Variants in STK10 observed in about 807,000 individuals in gnomAD.
The protein encoded by STK10 is serine/threonine-protein kinase 10.
STK10 carries 78 observed loss-of-function variants against 113.8 expected under a neutral mutation model. The observed-to-expected ratio is 0.69, with a 90% CI of 0.57 to 0.83. STK10 has a LOEUF of 0.83. Among genes scored for constraint, STK10 ranks in the 40% least tolerant of loss-of-function variants. The pLI is 0.00. For synonymous variants in STK10, 465 were observed against 494.7 expected (o/e 0.94, Z 0.80); for missense variants, 1,109 against 1,280.1 (o/e 0.87, Z 2.04).
At chr5:172,094,071 C>T (rs371830929) in intron 8 of STK10, 111 bp from the exon 9 acceptor site, 31 of 821,926 alleles carry the variant, frequency 3.8e-5, no homozygotes, top group East Asian at 2.8e-4. Flanking sequence ...TGGGCCAGCG[C>T]CAAGAAAGGA....
At position 172,093,366 on chromosome 5, in the gene STK10, C is replaced by T; in HGVS notation, c.1554+46G>A. ...AACCAAAATGGAGCCACAGAACATC[C>T]TGCAATGGTCTTGCTGCAAGCCCGT... On this transcript the variant is annotated intron_variant, in intron 9 of 18. Transcript: ENST00000176763. This position sits in a 1 kb window ranked among gnomAD's most constrained non-coding sequence, Gnocchi z 4.1. 3.9e-6 allele frequency: 6 copies of T among 1,530,972 alleles called. No individual in the cohort carries two copies. The highest frequency in any genetic ancestry group is 5.3e-6 in the Non-Finnish European group (6 of 1,136,072). 94.8% of individuals were successfully genotyped at this position (1,530,972 alleles called of 1,614,324 possible).
At chr5:172,135,477 A>G (rs1328396511) in intron 2 of STK10, among the ~76,000 whole-genome samples, 1 of 152,122 alleles carries the variant, frequency 6.6e-6, no homozygotes, top group Non-Finnish European at 1.5e-5. Context: ...ACGTCACTGC[A>G]CTCCAGCCTG....
chr5:172,126,838 A>C (rs952916936), intron 3 of STK10, among the ~76,000 whole-genome samples: 1 of 152,026 alleles, frequency 6.6e-6, no homozygotes, highest in Non-Finnish European at 1.5e-5. Context: ...TTACCTCCTG[A>C]GAGTGTGTGG....
chr5:172,157,557 A>C (rs2113818944), intron 1 of STK10, among the ~76,000 whole-genome samples: 1 of 152,206 alleles, frequency 6.6e-6, no homozygotes, highest in East Asian at 1.9e-4. Context: ...CTCCATCCCA[A>C]AAGAAAAAAC....
At position 172,187,209 on chromosome 5, in the gene STK10, G is replaced by A. The variant is rs933695750; in HGVS notation, c.156+678C>T. 6.6e-6 allele frequency among the ~76,000 whole-genome samples: 1 copy of A among 152,100 alleles called. No individual in the cohort carries two copies. The highest frequency in any genetic ancestry group is 1.5e-5 in the Non-Finnish European group (1 of 68,020). On this transcript the variant is annotated intron_variant, in intron 1 of 18. Coordinates refer to ENST00000176763, the MANE Select transcript of STK10 (RefSeq NM_005990.4). This position sits in a 1 kb window ranked among gnomAD's most constrained non-coding sequence, Gnocchi z 4.6. ...CTCTCTGCCGCGTCTTCCTCTAGGG[G>A]AGAGGTGACTGCAGGCTGGGAGACT...
intron 14 of STK10, among the ~76,000 whole-genome samples, chr5:172,058,112 C>G (rs776519377): frequency 6.6e-6 from 1 of 152,160 alleles, no homozygotes; most frequent in African/African-American, 2.4e-5. Flanking sequence ...GGGTGGGGAC[C>G]TGGGGTCAAA....
At chr5:172,079,674 G>T (rs1350797606) in intron 12 of STK10, among the ~76,000 whole-genome samples, 1 of 152,008 alleles carries the variant, frequency 6.6e-6, no homozygotes, top group Admixed American at 6.6e-5. Flanking sequence ...CAGTTCTCCT[G>T]CTCAGCCTCC....
intron 2 of STK10, among the ~76,000 whole-genome samples, chr5:172,129,909 G>C (rs947442162): frequency 6.6e-6 from 1 of 152,160 alleles, no homozygotes; most frequent in Admixed American, 6.5e-5. Flanking sequence ...CTGGCCCCAG[G>C]TCGGGACTCA....
At chr5:172,061,961 C>G (rs140024132) in intron 13 of STK10, among the ~76,000 whole-genome samples, 31 of 151,588 alleles carry the variant, frequency 2.0e-4, no homozygotes, top group South Asian at 4.2e-4. Context: ...TATACCTATT[C>G]CCATGTTACT....
At chr5:172,168,906 C>A (rs1427320476) in intron 1 of STK10, among the ~76,000 whole-genome samples, 2 of 152,152 alleles carry the variant, frequency 1.3e-5, no homozygotes, top group African/African-American at 4.8e-5. Flanking sequence ...GGTGAACCCT[C>A]AAGGGCTCCT....
chr5:172,093,182 G>A lies in STK10; in HGVS notation c.1554+230C>T, dbSNP rs1417655747. ...GAGTTCTCTCTCCCAAATTTTACCA[G>A]GGCCTTTTACCAAGCTTTGAAATTT... is the stretch of plus-strand genomic sequence containing the variant. On this transcript the variant is annotated intron_variant, in intron 9 of 18. Transcript: ENST00000176763. The surrounding 1 kb of genome is among the most constrained non-coding windows in gnomAD (Gnocchi z 4.1). 6.6e-6 allele frequency among the ~76,000 whole-genome samples: 1 copy of A among 152,160 alleles called. No homozygotes were observed. Among genetic ancestry groups the A allele is most frequent in the Non-Finnish European group, 1.5e-5 (1 of 68,042 alleles).
At chr5:172,067,619 A>G (rs1271625484) in intron 12 of STK10, among the ~76,000 whole-genome samples, 1 of 152,008 alleles carries the variant, frequency 6.6e-6, no homozygotes, top group Non-Finnish European at 1.5e-5. Context: ...GGAAAGATGA[A>G]AGTTCACAGC....
intron 10 of STK10, among the ~76,000 whole-genome samples, chr5:172,088,394 G>C (rs923553084): frequency 6.6e-6 from 1 of 152,050 alleles, no homozygotes; most frequent in South Asian, 2.1e-4. Flanking sequence ...CATGGTGGCG[G>C]GCACCTGTAG....
In STK10 at chr5:172,093,405, G is replaced by T; in HGVS notation, c.1554+7C>A. 3.2e-6 allele frequency: 5 copies of T among 1,582,376 alleles called. No homozygotes were observed. The highest frequency in any genetic ancestry group is 4.3e-6 in the Non-Finnish European group (5 of 1,157,946). ...CTGCAAGCCCGTGGTGGCAGAGGCGGTGTTACCTTGATGGACAGAGAGCCC... is the reference window on the plus strand; with the variant it reads ...CTGCAAGCCCGTGGTGGCAGAGGCGTTGTTACCTTGATGGACAGAGAGCCC... On this transcript the variant is annotated splice_region_variant and intron_variant, in intron 9 of 18. Coordinates refer to ENST00000176763, the MANE Select transcript of STK10 (RefSeq NM_005990.4). This position sits in a 1 kb window ranked among gnomAD's most constrained non-coding sequence, Gnocchi z 4.1.
intron 2 of STK10, among the ~76,000 whole-genome samples, chr5:172,150,786 G>C (rs1403680888): frequency 1.3e-5 from 2 of 152,198 alleles, no homozygotes; most frequent in Non-Finnish European, 2.9e-5. Context: ...CCTGGGACCA[G>C]TACTTCCTCT....
At chr5:172,177,374 G>A (rs375806701) in intron 1 of STK10, among the ~76,000 whole-genome samples, 1 of 152,200 alleles carries the variant, frequency 6.6e-6, no homozygotes, top group African/African-American at 2.4e-5. Context: ...TCCAGCCTAT[G>A]GTATTTTGTC....
At chr5:172,056,105 T>C (rs1767747840) in intron 15 of STK10, among the ~76,000 whole-genome samples, 1 of 152,190 alleles carries the variant, frequency 6.6e-6, no homozygotes, top group Admixed American at 6.5e-5. Context: ...GATATGAACT[T>C]ATATTTTAAA....
intron 3 of STK10, among the ~76,000 whole-genome samples, chr5:172,122,435 A>C (rs539478204): frequency 6.6e-6 from 1 of 152,266 alleles, no homozygotes; most frequent in East Asian, 1.9e-4. Context: ...TATAATTGGA[A>C]TCATACAATA....
chr5:172,187,783 G>T lies in STK10; in HGVS notation c.156+104C>A. 1.3e-6 allele frequency: 2 copies of T among 1,495,822 alleles called. No individual in the cohort carries two copies. Among genetic ancestry groups the T allele is most frequent in the South Asian group, 1.2e-5 (1 of 81,032 alleles). 92.7% of individuals were successfully genotyped at this position (1,495,822 alleles called of 1,614,324 possible). On this transcript the variant is annotated intron_variant, in intron 1 of 18. Coordinates refer to ENST00000176763, the MANE Select transcript of STK10 (RefSeq NM_005990.4). This position sits in a 1 kb window ranked among gnomAD's most constrained non-coding sequence, Gnocchi z 4.6. ...GCCAGGGACCCCGAATTCAGCGCCG[G>T]GCAGCCCTCGGAGCCGGAGCCAGGC...
Sources: gnomAD v4.1 joint callset for allele counts (sites outside exome capture counted in the v4.1 genomes callset) on GRCh38, gnomAD v4.1.1 for gene constraint, Gnocchi (gnomAD v3.1) non-coding constraint, MANE v1.5 for transcripts, NCBI Gene and HGNC (gene_info 2026-07-23, HGNC 2026-07-21) for gene names.